Variants in KCNMA1 observed in about 807,000 individuals in gnomAD.
The protein encoded by KCNMA1 is potassium calcium-activated channel subfamily M alpha 1.
KCNMA1 carries 29 observed loss-of-function variants against 140.0 expected under a neutral mutation model. That is an observed-to-expected ratio of 0.21 (90% CI 0.15 to 0.28). KCNMA1 has a LOEUF of 0.28. KCNMA1 is among the 10% of genes least tolerant of loss of function. KCNMA1 has a pLI of 1.00. For synonymous variants in KCNMA1, 612 were observed against 611.9 expected (o/e 1.00, Z 0.00); for missense variants, 880 against 1,602.2 (o/e 0.55, Z 7.70).
intron 5 of KCNMA1, among the ~76,000 whole-genome samples, chr10:77,124,367 T>C (rs1231227475): frequency 6.6e-6 from 1 of 152,116 alleles, no homozygotes; most frequent in African/African-American, 2.4e-5. Flanking sequence ...TGCATGAAAG[T>C]AAGGGCAGGA....
At chr10:77,342,397 G>T (rs1467751256) in intron 2 of KCNMA1, among the ~76,000 whole-genome samples, 1 of 152,192 alleles carries the variant, frequency 6.6e-6, no homozygotes, top group African/African-American at 2.4e-5. Context: ...GGAAGGGAAG[G>T]TCAAGGGAAA....
chr10:76,954,522 T>G (rs1181311629), intron 20 of KCNMA1, among the ~76,000 whole-genome samples: 1 of 152,226 alleles, frequency 6.6e-6, no homozygotes, highest in African/African-American at 2.4e-5. Flanking sequence ...TCTCCCTGGC[T>G]GAAGCCTTTA....
chr10:77,161,689 G>A (rs1850285), intron 5 of KCNMA1, among the ~76,000 whole-genome samples: 45,998 of 152,104 alleles, frequency 0.3, 7,159 homozygotes, highest in Middle Eastern at 0.42. Context: ...GTATCTTGTA[G>A]TCAACGCATG....
Position 77,265,651 on chromosome 10 carries a change from A to T in KCNMA1, c.541-14395T>A, listed in dbSNP as rs773196901. Among the ~76,000 whole-genome samples, 4 of 152,220 alleles carry T rather than the reference A, an allele frequency of 2.6e-5. 1 individual carries two copies. The highest frequency in any genetic ancestry group is 4.4e-5 in the Non-Finnish European group (3 of 68,038). On this transcript the variant is annotated intron_variant, in intron 2 of 27. Coordinates refer to ENST00000286628, the MANE Select transcript of KCNMA1 (RefSeq NM_001161352.2). ...CAAAATCATTTTCAGAGTCTAGTTC[A>T]TTGGGCTGGACAATGCCAGCAAGGT... is the stretch of plus-strand genomic sequence containing the variant.
At chr10:76,927,024 G>A (rs1262637329) in intron 23 of KCNMA1, among the ~76,000 whole-genome samples, 1 of 152,010 alleles carries the variant, frequency 6.6e-6, no homozygotes. Flanking sequence ...AATGGCTGTG[G>A]CCCTTGGTGT....
At chr10:77,387,650 C>T (rs1231792564) in intron 2 of KCNMA1, among the ~76,000 whole-genome samples, 1 of 137,138 alleles carries the variant, frequency 7.3e-6, no homozygotes, top group Non-Finnish European at 1.5e-5. Context: ...TGGAATCTTG[C>T]TCTGTCACCC....
At chr10:76,911,770 A>C (rs1021776993) in intron 24 of KCNMA1, 1 of 151,494 alleles carries the variant, frequency 6.6e-6, no homozygotes, top group South Asian at 2.1e-4. Context: ...GCTTTTCCTC[A>C]CCTCCCTTCA....
At chr10:77,263,269 TC>T (rs1297269694) in intron 2 of KCNMA1, among the ~76,000 whole-genome samples, 1 of 152,168 alleles carries the variant, frequency 6.6e-6, no homozygotes, top group Non-Finnish European at 1.5e-5. Context: ...GTTATGTGTG[TC>T]CCGCCTTTCC....
chr10:77,084,808 G>T (rs577124396), intron 11 of KCNMA1, 89 bp from the exon 12 acceptor site: 28 of 920,504 alleles, frequency 3.0e-5, no homozygotes, highest in Non-Finnish European at 4.2e-5. Context: ...GCTTCTTGGG[G>T]AAGCTTTGCA....
At chr10:77,206,411 C>T (rs935529225) in intron 3 of KCNMA1, among the ~76,000 whole-genome samples, 1 of 152,084 alleles carries the variant, frequency 6.6e-6, no homozygotes, top group African/African-American at 2.4e-5. Flanking sequence ...TAAAACAGGA[C>T]AAGGGCTTAG....
At chr10:76,957,127 CAAAAA>C (rs569115924) in intron 20 of KCNMA1, among the ~76,000 whole-genome samples, 1 of 71,372 alleles carries the variant, frequency 1.4e-5, no homozygotes, top group Non-Finnish European at 2.5e-5. Flanking sequence ...GACTCTGTCT[CAAAAA>C]AAAAAAAAAA....
chr10:77,221,855 C>G (rs187943684), intron 3 of KCNMA1, among the ~76,000 whole-genome samples: 1 of 152,250 alleles, frequency 6.6e-6, no homozygotes, highest in East Asian at 1.9e-4. Flanking sequence ...CACTGCATCA[C>G]AAGGAATATT....
chr10:77,624,248 C>A (rs1246478973), intron 1 of KCNMA1, among the ~76,000 whole-genome samples: 1 of 152,148 alleles, frequency 6.6e-6, no homozygotes, highest in Non-Finnish European at 1.5e-5. Context: ...TATGTTCAAC[C>A]TCAACAAAGC....
intron 2 of KCNMA1, among the ~76,000 whole-genome samples, chr10:77,340,094 C>A (rs1467765818): frequency 1.3e-5 from 2 of 152,140 alleles, no homozygotes; most frequent in East Asian, 1.9e-4. Context: ...GAGTGACAGG[C>A]ACAGACACAT....
chr10:76,956,598 A>C (rs539643421), intron 20 of KCNMA1, among the ~76,000 whole-genome samples: 2 of 152,280 alleles, frequency 1.3e-5, no homozygotes, highest in East Asian at 3.9e-4. Flanking sequence ...ATCAATAAGA[A>C]TCCCCTATTC....
intron 3 of KCNMA1, among the ~76,000 whole-genome samples, chr10:77,212,903 C>G (rs1406790110): frequency 6.6e-6 from 1 of 152,192 alleles, no homozygotes; most frequent in Non-Finnish European, 1.5e-5. Flanking sequence ...AAAGATCTAT[C>G]CAAATCACAT....
At chr10:76,989,758 T>C (rs2082234401) in intron 19 of KCNMA1, among the ~76,000 whole-genome samples, 1 of 152,040 alleles carries the variant, frequency 6.6e-6, no homozygotes, top group Non-Finnish European at 1.5e-5. Context: ...CTTCTCTGCC[T>C]GTAGCTGATA....
chr10:77,570,770 GAA>G (rs71028288), intron 1 of KCNMA1, among the ~76,000 whole-genome samples: 25 of 148,290 alleles, frequency 1.7e-4, no homozygotes, highest in Admixed American at 2.7e-4. Flanking sequence ...TTTTGAATGG[GAA>G]AAAAAAAAAT....
chr10:77,177,553 G>C (rs931823783), intron 5 of KCNMA1, among the ~76,000 whole-genome samples: 5 of 149,990 alleles, frequency 3.3e-5, no homozygotes, highest in Non-Finnish European at 7.4e-5. Flanking sequence ...TGCCCAGGTT[G>C]GTCTCAAACA....
Sources: gnomAD v4.1 joint callset for allele counts (sites outside exome capture counted in the v4.1 genomes callset) on GRCh38, gnomAD v4.1.1 for gene constraint, MANE v1.5 for transcripts, NCBI Gene and HGNC (gene_info 2026-07-23, HGNC 2026-07-21) for gene names.